ZNF618: variants seen among roughly 807,000 people sequenced by gnomAD.
ZNF618 encodes zinc finger protein 618.
A neutral mutation model predicts 103.0 loss-of-function variants in ZNF618; 34 were observed. The ratio of observed to expected loss-of-function variants is 0.33; its 90% CI spans 0.25 to 0.44. The LOEUF (loss-of-function observed/expected upper bound fraction) is 0.44, where lower values mean the gene tolerates loss of function less well. Ranked by LOEUF, ZNF618 falls within the 20% of genes least tolerant of loss-of-function variation. The pLI, the probability that ZNF618 is intolerant of heterozygous loss-of-function variation, is 1.00. For missense variants in ZNF618, 1,059 were observed against 1,295.4 expected, an observed-to-expected ratio of 0.82 and a Z score of 2.80; for synonymous variants, 551 against 542.2, an observed-to-expected ratio of 1.02 and a Z score of -0.23.
intron 1 of ZNF618, among the ~76,000 whole-genome samples, chr9:113,950,748 C>T (rs970824398): frequency 6.6e-6 from 1 of 152,120 alleles, no homozygotes; most frequent in Non-Finnish European, 1.5e-5. Context: ...GGCTCCAACC[C>T]GGCCTCAGGT....
intron 1 of ZNF618, among the ~76,000 whole-genome samples, chr9:113,895,953 A>T (rs1830000438): frequency 6.6e-6 from 1 of 152,094 alleles, no homozygotes; most frequent in African/African-American, 2.4e-5. Context: ...TATTCATTTC[A>T]TCAAGAATTT....
At chr9:113,919,607 G>A (rs1236184153) in intron 1 of ZNF618, among the ~76,000 whole-genome samples, 1 of 152,170 alleles carries the variant, frequency 6.6e-6, no homozygotes, top group African/African-American at 2.4e-5. Flanking sequence ...CCCCTGGGCC[G>A]GCTGCTGCTG....
At chr9:113,884,440 A>G (rs1446696181) in intron 1 of ZNF618, among the ~76,000 whole-genome samples, 2 of 152,216 alleles carry the variant, frequency 1.3e-5, no homozygotes, top group African/African-American at 4.8e-5. Flanking sequence ...GAAAGTTGTG[A>G]GAGATGTAAG....
At chr9:113,903,049 G>A (rs191461688) in intron 1 of ZNF618, among the ~76,000 whole-genome samples, 1 of 152,312 alleles carries the variant, frequency 6.6e-6, no homozygotes, top group Admixed American at 6.5e-5. Flanking sequence ...GAAGCAAAAG[G>A]AATGGAGGCT....
chr9:113,911,432 G>A (rs1450213047), intron 1 of ZNF618, among the ~76,000 whole-genome samples: 2 of 152,094 alleles, frequency 1.3e-5, no homozygotes, highest in Admixed American at 1.3e-4. Flanking sequence ...AGGTTCAAAC[G>A]ATTCTCCTGT....
At chr9:113,906,897 C>T (rs1482693861) in intron 1 of ZNF618, among the ~76,000 whole-genome samples, 4 of 152,220 alleles carry the variant, frequency 2.6e-5, no homozygotes, top group Admixed American at 6.5e-5. Context: ...ATGATGTCAT[C>T]GGAAATGTGC....
At chr9:113,930,823 G>A (rs1833514322) in intron 1 of ZNF618, among the ~76,000 whole-genome samples, 1 of 152,058 alleles carries the variant, frequency 6.6e-6, no homozygotes, top group Admixed American at 6.5e-5. Flanking sequence ...CACTTTTCTG[G>A]GCTCAGGACT....
intron 1 of ZNF618, among the ~76,000 whole-genome samples, chr9:113,942,506 A>G (rs1356058434): frequency 6.6e-6 from 1 of 152,168 alleles, no homozygotes; most frequent in East Asian, 1.9e-4. Context: ...CTTGATCTAT[A>G]TCTGGCATGC....
At chr9:113,983,606 G>T (rs1036053427) in intron 2 of ZNF618, among the ~76,000 whole-genome samples, 2 of 152,170 alleles carry the variant, frequency 1.3e-5, no homozygotes, top group African/African-American at 2.4e-5. Flanking sequence ...TGTTTGGGGT[G>T]GGAGATGTGG....
At chr9:114,008,617 A>C (rs566897569) in intron 9 of ZNF618, 63 bp downstream of exon 9, 361 of 1,589,336 alleles carry the variant, frequency 2.3e-4, no homozygotes, top group Non-Finnish European at 2.9e-4. Flanking sequence ...GGCAGGGCTC[A>C]GTCTCACTGC....
intron 10 of ZNF618, among the ~76,000 whole-genome samples, chr9:114,018,137 G>A (rs775276868): frequency 1.3e-5 from 2 of 152,206 alleles, no homozygotes; most frequent in African/African-American, 4.8e-5. Flanking sequence ...CCCACTAGAA[G>A]AATCCATTCC....
intron 1 of ZNF618, among the ~76,000 whole-genome samples, chr9:113,916,078 GTGTGTGTGTGTGTGTGTCTGTGTGAC>G (rs1256608197): frequency 2.6e-5 from 4 of 151,740 alleles, no homozygotes; most frequent in Admixed American, 2.0e-4. Flanking sequence ...GTGTCTGTGT[GTGTGTGTGTGTGTGTGTCTGTGTGAC>G]TGTGTGTGTG....
At chr9:114,016,668 T>C (rs1463243244) in intron 9 of ZNF618, 27 bp from the exon 10 acceptor site, 1 of 1,604,084 alleles carries the variant, frequency 6.2e-7, no homozygotes, top group Non-Finnish European at 8.5e-7. Flanking sequence ...TTGCACATTC[T>C]TACACCTTCG....
chr9:113,982,412 A>G (rs1438015824), intron 2 of ZNF618, among the ~76,000 whole-genome samples: 1 of 151,930 alleles, frequency 6.6e-6, no homozygotes, highest in African/African-American at 2.4e-5. Flanking sequence ...CTCGGGGCGC[A>G]TTGCCTTCTC....
At position 113,964,703 on chromosome 9, in the gene ZNF618, GA is replaced by G. The variant is rs201895389; in HGVS notation, c.34-4407del. ...AACTTGTGAGAATTAAAACCAAAAT[GA>G]AAAAAAGGAAAAAAAGAAAAGAGCA... On this transcript the variant is annotated intron_variant, in intron 1 of 14. Coordinates refer to ENST00000374126, the MANE Select transcript of ZNF618 (RefSeq NM_001318042.2). Among the ~76,000 whole-genome samples, 20 of 136,044 alleles carry G rather than the reference GA, an allele frequency of 1.5e-4. No individual in the cohort carries two copies. In the East Asian group the frequency reaches 4.3e-3, roughly 29 times the overall value. 89.3% of individuals were successfully genotyped at this position (136,044 alleles called of 152,430 possible). A position where few individuals can be genotyped will look rare whatever the true frequency, so the allele number is the denominator to read the frequency against.
intron 1 of ZNF618, 31 bp from the exon 2 acceptor site, chr9:113,969,086 C>T: frequency 6.2e-7 from 1 of 1,613,806 alleles, no homozygotes; most frequent in Non-Finnish European, 8.5e-7. Flanking sequence ...TCTGCCTTGG[C>T]TGATGTAGGT....
At chr9:113,955,831 A>G (rs1271931209) in intron 1 of ZNF618, among the ~76,000 whole-genome samples, 2 of 151,944 alleles carry the variant, frequency 1.3e-5, no homozygotes, top group East Asian at 1.9e-4. Context: ...TTTTTACTAC[A>G]TATTTTAAAA....
chr9:113,921,769 C>A (rs946437753), intron 1 of ZNF618, among the ~76,000 whole-genome samples: 8 of 152,188 alleles, frequency 5.3e-5, no homozygotes, highest in African/African-American at 1.7e-4. Flanking sequence ...TTTGACTACT[C>A]CTTACATAAA....
intron 1 of ZNF618, among the ~76,000 whole-genome samples, chr9:113,883,980 TGG>T (rs141178019): frequency 6.1e-5 from 3 of 49,328 alleles, no homozygotes; most frequent in Admixed American, 2.1e-4. Flanking sequence ...TCTCTGGGCT[TGG>T]CCCCCCCCCC....
Sources: gnomAD v4.1 joint callset for allele counts (sites outside exome capture counted in the v4.1 genomes callset) on GRCh38, gnomAD v4.1.1 for gene constraint, MANE v1.5 for transcripts, NCBI Gene and HGNC (gene_info 2026-07-23, HGNC 2026-07-21) for gene names.